The following CTDSPL variants were observed in gnomAD, a reference collection of about 807,000 sequenced individuals.
CTDSPL encodes CTD small phosphatase-like protein.
In CTDSPL, 8 loss-of-function variants were observed where a neutral mutation model predicts 30.5. The observed-to-expected ratio is 0.26, with a 90% CI of 0.15 to 0.47. The LOEUF (loss-of-function observed/expected upper bound fraction) is 0.47. Ranked by LOEUF, CTDSPL falls within the 20% of genes least tolerant of loss-of-function variation. CTDSPL has a pLI of 0.99. For synonymous variants in CTDSPL, 110 were observed against 137.9 expected, an observed-to-expected ratio of 0.80 and a Z score of 1.42; for missense variants, 248 against 366.1, an observed-to-expected ratio of 0.68 and a Z score of 2.63.
At chr3:37,973,457 G>T (rs967007834) in intron 6 of CTDSPL, among the ~76,000 whole-genome samples, 1 of 152,218 alleles carries the variant, frequency 6.6e-6, no homozygotes, top group African/African-American at 2.4e-5. Flanking sequence ...CCCACCATCT[G>T]TCTCTTCAAC....
chr3:37,946,795 C>A (rs1425824616), intron 1 of CTDSPL, among the ~76,000 whole-genome samples: 1 of 152,096 alleles, frequency 6.6e-6, no homozygotes, highest in East Asian at 1.9e-4. Flanking sequence ...AAGCAGGCAG[C>A]CCCTGCTGGG....
chr3:37,929,519 T>G (rs1698825495), intron 1 of CTDSPL, among the ~76,000 whole-genome samples: 1 of 152,242 alleles, frequency 6.6e-6, no homozygotes, highest in Admixed American at 6.5e-5. Flanking sequence ...AGTTTATTCC[T>G]AAGTATTTTA....
At chr3:37,940,372 G>C (rs1157728699) in intron 1 of CTDSPL, among the ~76,000 whole-genome samples, 2 of 150,378 alleles carry the variant, frequency 1.3e-5, no homozygotes, top group Non-Finnish European at 3.0e-5. Context: ...CAATTATATT[G>C]GCTTAGGAGC....
At chr3:37,867,446 T>G (rs1302215255) in intron 1 of CTDSPL, among the ~76,000 whole-genome samples, 1 of 152,220 alleles carries the variant, frequency 6.6e-6, no homozygotes, top group African/African-American at 2.4e-5. Flanking sequence ...TGTTTGAACC[T>G]AAGTCTTCAT....
At chr3:37,934,977 C>T (rs1158014498) in intron 1 of CTDSPL, among the ~76,000 whole-genome samples, 3 of 152,174 alleles carry the variant, frequency 2.0e-5, no homozygotes, top group Admixed American at 2.0e-4. Context: ...TACAGACATT[C>T]ATTACCGACT....
At chr3:37,921,507 A>G (rs1698714371) in intron 1 of CTDSPL, among the ~76,000 whole-genome samples, 1 of 152,120 alleles carries the variant, frequency 6.6e-6, no homozygotes, top group African/African-American at 2.4e-5. Context: ...GAGTTCCCTG[A>G]GGACAGGAAC....
At chr3:37,934,090 A>C (rs1376071702) in intron 1 of CTDSPL, among the ~76,000 whole-genome samples, 1 of 152,206 alleles carries the variant, frequency 6.6e-6, no homozygotes, top group Non-Finnish European at 1.5e-5. Context: ...GGGAACCCAA[A>C]GTGGGAGTAC....
chr3:37,871,840 A>G (rs1209414797), intron 1 of CTDSPL, among the ~76,000 whole-genome samples: 1 of 151,754 alleles, frequency 6.6e-6, no homozygotes, highest in African/African-American at 2.4e-5. Context: ...CAGTTGGGTA[A>G]TTTCTGTTGT....
intron 7 of CTDSPL, 47 bp from the exon 8 acceptor site, chr3:37,980,695 C>A (rs1330761690): frequency 1.2e-6 from 2 of 1,605,976 alleles, no homozygotes; most frequent in South Asian, 2.2e-5. Flanking sequence ...GAGCAGCCCC[C>A]AGCGCTAGAT....
At chr3:37,899,089 A>G (rs187103833) in intron 1 of CTDSPL, among the ~76,000 whole-genome samples, 10 of 152,320 alleles carry the variant, frequency 6.6e-5, no homozygotes, top group Non-Finnish European at 1.5e-4. Flanking sequence ...TTTTGGAAAA[A>G]TAGAGTTTGC....
chr3:37,909,771 A>G (rs911544602), intron 1 of CTDSPL, among the ~76,000 whole-genome samples: 3 of 152,262 alleles, frequency 2.0e-5, no homozygotes, highest in Admixed American at 6.5e-5. Flanking sequence ...CCATAAGGCC[A>G]AGTCCCACAT....
Position 37,983,827 on chromosome 3 carries a change from G to T in CTDSPL, c.*2960G>T, listed in dbSNP as rs953496492. 9.4e-5 allele frequency: 16 copies of T among 169,800 alleles called. No homozygotes were observed. Among genetic ancestry groups the T allele is most frequent in the Non-Finnish European group, 1.7e-4 (13 of 77,080 alleles). 10.5% of individuals were successfully genotyped at this position (169,800 alleles called of 1,614,324 possible). On this transcript the variant is annotated 3_prime_UTR_variant, in exon 8 of 8. Transcript: ENST00000273179. ...AATAATGCATTTGCATACTGAAAAA[G>T]GAATGCCACCTGCCACAGTTGATGG...
At chr3:37,866,012 C>G (rs376374477) in intron 1 of CTDSPL, among the ~76,000 whole-genome samples, 3 of 152,334 alleles carry the variant, frequency 2.0e-5, no homozygotes, top group Middle Eastern at 3.4e-3. Flanking sequence ...GTATTGACCA[C>G]ACATTGAAAG....
intron 1 of CTDSPL, among the ~76,000 whole-genome samples, chr3:37,920,756 T>C (rs1427137771): frequency 6.6e-6 from 1 of 152,258 alleles, no homozygotes; most frequent in African/African-American, 2.4e-5. Context: ...CCCATAGTAG[T>C]GCTTTCAGTA....
At chr3:37,930,819 C>A (rs1464357109) in intron 1 of CTDSPL, among the ~76,000 whole-genome samples, 1 of 151,972 alleles carries the variant, frequency 6.6e-6, no homozygotes, top group East Asian at 1.9e-4. Flanking sequence ...TATTGTGTTG[C>A]TGTCTATTTC....
chr3:37,925,063 C>T (rs1698765773), intron 1 of CTDSPL, among the ~76,000 whole-genome samples: 1 of 152,122 alleles, frequency 6.6e-6, no homozygotes, highest in Admixed American at 6.5e-5. Flanking sequence ...CTCCTTATTG[C>T]CTCCTGTAAC....
intron 1 of CTDSPL, among the ~76,000 whole-genome samples, chr3:37,928,975 T>G (rs1698817970): frequency 6.6e-6 from 1 of 152,174 alleles, no homozygotes; most frequent in Non-Finnish European, 1.5e-5. Context: ...AAAATAAAGG[T>G]CCAACTTCAT....
At position 37,872,491 on chromosome 3, in the gene CTDSPL, C is replaced by T. The variant is rs560166454; in HGVS notation, c.79+10213C>T. ...TGCCCCCATCAGGAAAGAAGCACTG[C>T]CTTGTTAATGTCAGGTGGAGTGGAT... On this transcript the variant is annotated intron_variant, in intron 1 of 7. Transcript: ENST00000273179. Among the ~76,000 whole-genome samples, 6 of 145,966 alleles carry T rather than the reference C, an allele frequency of 4.1e-5. No individual in the cohort carries two copies. In the South Asian group the frequency reaches 1.1e-3, roughly 27 times the overall value.
chr3:37,938,602 C>T (rs1698940806), intron 1 of CTDSPL, among the ~76,000 whole-genome samples: 1 of 149,844 alleles, frequency 6.7e-6, no homozygotes, highest in Admixed American at 6.7e-5. Context: ...TCTTCTTGGG[C>T]CACTGAAGGA....
Sources: allele counts gnomAD v4.1 joint callset (sites outside exome capture counted in the v4.1 genomes callset), GRCh38; gene constraint gnomAD v4.1.1; transcripts MANE v1.5; gene names NCBI Gene and HGNC (gene_info 2026-07-23, HGNC 2026-07-21).